PAN2: variants seen among roughly 807,000 people sequenced by gnomAD.
PAN2 encodes the protein poly(A) specific ribonuclease subunit PAN2, also known as PAN2-PAN3 deadenylation complex catalytic subunit PAN2.
PAN2 carries 68 observed loss-of-function variants against 133.3 expected under a neutral mutation model. That is an observed-to-expected ratio of 0.51 (90% CI 0.42 to 0.62). PAN2 has a LOEUF of 0.62. Among genes scored for constraint, PAN2 ranks in the 20% least tolerant of loss-of-function variants. PAN2 has a pLI of 0.00. For missense variants in PAN2, 1,042 were observed against 1,500.5 expected (o/e 0.69, Z 5.05); for synonymous variants, 462 against 544.6 (o/e 0.85, Z 2.11).
chr12:56,331,700 G>GTTTTTTT (rs67869491), intron 2 of PAN2, among the ~76,000 whole-genome samples: 3 of 125,330 alleles, frequency 2.4e-5, no homozygotes, highest in African/African-American at 2.7e-5. Context: ...GAAGGACAGC[G>GTTTTTTT]TTTTTTTTTT....
rs1226076614 is a variant in PAN2 at position 56,318,420 on chromosome 12, C to T, written c.3379G>A (p.Gly1127Arg). 1 of 1,613,920 alleles carries T rather than the reference C, an allele frequency of 6.2e-7. No homozygotes were observed. The highest frequency in any genetic ancestry group is 8.5e-7 in the Non-Finnish European group (1 of 1,179,830). The change falls in exon 25 of 26, where the codon GGG (glycine) becomes AGG (arginine). Residue 1127 changes from glycine (G) to arginine (R), a missense_variant. Transcript: ENST00000440411. ...AWYFLDLKIQ[G>R]ETHDSIEDAR... Reference sequence around the variant, plus strand: ...TCCTCAATACTGTCATGGGTTTCCCCTTGAATCTTCAGGTCTGGGGTAAGT... The same window carrying T: ...TCCTCAATACTGTCATGGGTTTCCCTTTGAATCTTCAGGTCTGGGGTAAGT...
rs368583780 is a variant in PAN2, at chr12:56,328,389, A to T, written c.453-31T>A. 3 of 1,595,374 alleles carry T rather than the reference A, an allele frequency of 1.9e-6. No homozygotes were observed. In the African/African-American group the frequency reaches 4.0e-5, roughly 21 times the overall value. ...GGGGAGAGGAAAGGCTAAGGGGCCC[A>T]GGCCTTACAAGCTGCCAATCCCTTA... On this transcript the variant is annotated intron_variant, in intron 3 of 25. Transcript: ENST00000440411.
chr12:56,330,391 G>A (rs1276859969), intron 2 of PAN2, among the ~76,000 whole-genome samples: 4 of 107,664 alleles, frequency 3.7e-5, no homozygotes, highest in Non-Finnish European at 5.1e-5. Flanking sequence ...ACGGAGTCTC[G>A]CTCTGTCGCC....
At chr12:56,320,745 CTT>C (rs764563787) in intron 20 of PAN2, among the ~76,000 whole-genome samples, 15 of 115,178 alleles carry the variant, frequency 1.3e-4, no homozygotes, top group African/African-American at 2.9e-4. Context: ...CTTACAGCTG[CTT>C]TTTTTTTTTT....
chr12:56,328,649 G>A lies in PAN2; in HGVS notation c.283-8C>T, dbSNP rs1369455687. 3 of 1,613,202 alleles carry A rather than the reference G, an allele frequency of 1.9e-6. No individual in the cohort carries two copies. The highest frequency in any genetic ancestry group is 1.1e-5 in the South Asian group (1 of 91,004). On this transcript the variant is annotated splice_polypyrimidine_tract_variant and splice_region_variant and intron_variant, in intron 2 of 25. Coordinates refer to ENST00000440411, the MANE Select transcript of PAN2 (RefSeq NM_014871.6). ...AAATGAAGTGGCATGGCCCTATAGA[G>A]GACAAAGACAACAGAGACACTTAGA...
chr12:56,324,344 T>C lies in PAN2; in HGVS notation c.1878A>G (p.Gln626=), dbSNP rs1874886918. 1 of 1,614,012 alleles carries C rather than the reference T, an allele frequency of 6.2e-7. No individual in the cohort carries two copies. The highest frequency in any genetic ancestry group is 1.3e-5 in the African/African-American group (1 of 74,914). ...WNRFILTQLH[Q]DMQELEIPQA... Reference sequence around the variant, plus strand: ...GTGGTATTTCCAGCTCCTGCATATCTTGATGCAGTTGAGTGAGAATGAAGC... The same window carrying C: ...GTGGTATTTCCAGCTCCTGCATATCCTGATGCAGTTGAGTGAGAATGAAGC... Residue 626 remains glutamine, a synonymous_variant, in exon 12 of 26, where the codon CAA becomes CAG. Coordinates refer to ENST00000440411, the MANE Select transcript of PAN2 (RefSeq NM_014871.6).
chr12:56,332,239 T>A (rs1386124626), intron 2 of PAN2, among the ~76,000 whole-genome samples: 1 of 152,144 alleles, frequency 6.6e-6, no homozygotes, highest in African/African-American at 2.4e-5. Flanking sequence ...TAGATTTGGA[T>A]GGCTACAGAC....
rs1213021472 is a variant in PAN2, at chr12:56,324,311, A to G, written c.1911T>C (p.Tyr637=). Residue 637 remains tyrosine, a synonymous_variant, in exon 12 of 26, where the codon TAT becomes TAC. Transcript: ENST00000440411. ...DMQELEIPQA[Y]RGAGGSSFCS... Reference sequence around the variant, plus strand: ...TTTCATACCTGCCTCCAGCACCTCGATAAGCCTGTGGTATTTCCAGCTCCT... The same window carrying G: ...TTTCATACCTGCCTCCAGCACCTCGGTAAGCCTGTGGTATTTCCAGCTCCT... The G allele has an allele frequency of 1.2e-6, 2 of 1,613,728 alleles. No individual in the cohort carries two copies. Among genetic ancestry groups the G allele is most frequent in the Admixed American group, 1.7e-5 (1 of 60,002 alleles).
At chr12:56,331,707 T>TG (rs1022582755) in intron 2 of PAN2, among the ~76,000 whole-genome samples, 2 of 129,662 alleles carry the variant, frequency 1.5e-5, no homozygotes, top group Non-Finnish European at 1.8e-5. Context: ...AGCGTTTTTT[T>TG]TTTTTTTGTT....
rs889004601 is a variant in PAN2 at position 56,333,985 on chromosome 12, A to T, written c.-238T>A. 1 of 152,132 alleles carries T rather than the reference A, an allele frequency of 6.6e-6. No homozygotes were observed. The highest frequency in any genetic ancestry group is 1.5e-5 in the Non-Finnish European group (1 of 68,028). The allele number at this position is 152,132 out of a possible 1,614,324, so 9.4% of individuals were successfully genotyped here. Reference sequence around the variant, plus strand: ...AGTTCTCCCCCACGCCTAGGGCTCAACCTAACCACTACGGCGCCAAGGACC... The same window carrying T: ...AGTTCTCCCCCACGCCTAGGGCTCATCCTAACCACTACGGCGCCAAGGACC... On this transcript the variant is annotated 5_prime_UTR_variant, in exon 1 of 26. The change creates a new upstream start codon in the 5' untranslated region. Transcript: ENST00000440411.
chr12:56,319,609 A>T lies in PAN2; in HGVS notation c.3090+12T>A. The T allele has an allele frequency of 6.2e-7, 1 of 1,601,608 alleles. No homozygotes were observed. The highest frequency in any genetic ancestry group is 8.5e-7 in the Non-Finnish European group (1 of 1,174,196). On this transcript the variant is annotated intron_variant, in intron 22 of 25. Transcript: ENST00000440411. This position sits in a 1 kb window ranked among gnomAD's most constrained non-coding sequence, Gnocchi z 5.4. The stretch of plus-strand genomic sequence containing the variant: ...CAGGGTGTGCCTCACTTGCATCTCC[A>T]TATCCTAATACCTGCTCCTGGGTAG...
Position 56,328,613 on chromosome 12 carries a change from G to C in PAN2, c.311C>G (p.Ala104Gly). 1 of 1,614,120 alleles carries C rather than the reference G, an allele frequency of 6.2e-7. No individual in the cohort carries two copies. The highest frequency in any genetic ancestry group is 2.2e-5 in the East Asian group (1 of 44,892). Residue 104 changes from alanine to glycine, a missense_variant, in exon 3 of 26, where the codon GCC becomes GGC. Coordinates refer to ENST00000440411, the MANE Select transcript of PAN2 (RefSeq NM_014871.6). ...GGHATSFFGP[A>G]LERYSSFQVN... The stretch of plus-strand genomic sequence containing the variant: ...TTGAAAGGATGAGTAGCGCTCCAAG[G>C]CTGGGCCAAAAAATGAAGTGGCATG...
chr12:56,319,714 G>A lies in PAN2; in HGVS notation c.2997C>T (p.Ser999=). ...AGGTAATCCTGGCTACTGACATCTG[G>A]CTTGGTTTAATGGTAGACTTGGTAC... ...SDGTKSTIKP[S]QMSVARITCV... The change falls in exon 22 of 26, where the codon AGC becomes AGT. Residue 999 remains serine, a synonymous_variant. Coordinates refer to ENST00000440411, the MANE Select transcript of PAN2 (RefSeq NM_014871.6). The surrounding 1 kb of genome is among the most constrained non-coding windows in gnomAD (Gnocchi z 5.4). The A allele has an allele frequency of 6.2e-7, 1 of 1,614,004 alleles. No individual in the cohort carries two copies. Among genetic ancestry groups the A allele is most frequent in the Non-Finnish European group, 8.5e-7 (1 of 1,179,936 alleles).
At chr12:56,322,954 A>T in intron 17 of PAN2, 108 bp downstream of exon 17, 3 of 1,350,392 alleles carry the variant, frequency 2.2e-6, no homozygotes, top group Non-Finnish European at 2.1e-6. Context: ...ACTAGGCCTT[A>T]TTCTCTTCCT....
chr12:56,333,120 G>A lies in PAN2; in HGVS notation c.-26C>T, dbSNP rs1486609018. The A allele has an allele frequency of 6.2e-7, 1 of 1,608,950 alleles. No homozygotes were observed. The highest frequency in any genetic ancestry group is 8.5e-7 in the Non-Finnish European group (1 of 1,176,544). On this transcript the variant is annotated 5_prime_UTR_variant, in exon 2 of 26. Coordinates refer to ENST00000440411, the MANE Select transcript of PAN2 (RefSeq NM_014871.6). Reference sequence around the variant, plus strand: ...GATGACGATGGCAGCTTACACCTGTGTCACACCCTCCCTTACCACAGTCCC... The same window carrying A: ...GATGACGATGGCAGCTTACACCTGTATCACACCCTCCCTTACCACAGTCCC...
Position 56,319,038 on chromosome 12 carries a change from G to A in PAN2, c.3364+50C>T. ...AACATGATTTCTTTTTTTTTAAATGGCTGCTTCTGCTATTAATGTAGCAGG... is the reference window on the plus strand; with the variant it reads ...AACATGATTTCTTTTTTTTTAAATGACTGCTTCTGCTATTAATGTAGCAGG... On this transcript the variant is annotated intron_variant, in intron 24 of 25. Coordinates refer to ENST00000440411, the MANE Select transcript of PAN2 (RefSeq NM_014871.6). This position sits in a 1 kb window ranked among gnomAD's most constrained non-coding sequence, Gnocchi z 5.4. 3.2e-6 allele frequency: 5 copies of A among 1,547,760 alleles called. No individual in the cohort carries two copies. Among genetic ancestry groups the A allele is most frequent in the Non-Finnish European group, 4.5e-6 (5 of 1,122,026 alleles).
At position 56,327,376 on chromosome 12, in the gene PAN2, T is replaced by C. The variant is rs61761601; in HGVS notation, c.907A>G (p.Ile303Val). The C allele has an allele frequency of 3.1e-6, 5 of 1,613,938 alleles. No homozygotes were observed. The highest frequency in any genetic ancestry group is 4.2e-6 in the Non-Finnish European group (5 of 1,179,966). The change falls in exon 6 of 26, where the codon ATC becomes GTC. Residue 303 changes from isoleucine (I) to valine (V), a missense_variant. Transcript: ENST00000440411. ...IPTYTSRLAI[I>V]SQSGQCQFCE... ...ATGCCCTTCATACCTGACTGAGAGA[T>C]GATAGCAAGACGAGAAGTATATGTA...
In PAN2 at chr12:56,330,868, A is replaced by G. The variant is rs546588042; in HGVS notation, c.282+1945T>C. Reference sequence around the variant, plus strand: ...GGCAGGAGTGCAGTGGTGTGATCTCAGCTCACTGCAACCTCTGCCTCCCAG... The same window carrying G: ...GGCAGGAGTGCAGTGGTGTGATCTCGGCTCACTGCAACCTCTGCCTCCCAG... On this transcript the variant is annotated intron_variant, in intron 2 of 25. Coordinates refer to ENST00000440411, the MANE Select transcript of PAN2 (RefSeq NM_014871.6). 2.6e-5 allele frequency among the ~76,000 whole-genome samples: 4 copies of G among 151,558 alleles called. No homozygotes were observed. The South Asian group carries it at 8.4e-4, about 32-fold the overall frequency.
chr12:56,326,279 C>T (rs780267833), intron 8 of PAN2, 34 bp downstream of exon 8: 27 of 1,528,968 alleles, frequency 1.8e-5, no homozygotes, highest in South Asian at 4.8e-5. Flanking sequence ...TTCAGTGGGC[C>T]GGGGTCGGGG....
Sources: allele counts gnomAD v4.1 joint callset (sites outside exome capture counted in the v4.1 genomes callset), GRCh38; gene constraint gnomAD v4.1.1; non-coding constraint Gnocchi (gnomAD v3.1); transcripts MANE v1.5; gene names NCBI Gene and HGNC (gene_info 2026-07-23, HGNC 2026-07-21).